Variants in ZFR observed in about 807,000 individuals in gnomAD.
ZFR encodes the protein zinc finger RNA binding protein, also known as zinc finger RNA-binding protein.
Under a neutral mutation model 130.7 loss-of-function variants are expected in ZFR, and 19 were observed. The observed-to-expected ratio is 0.15, with a 90% CI of 0.10 to 0.21. The LOEUF is 0.21. ZFR is among the 10% of genes least tolerant of loss of function. The probability of loss-of-function intolerance (pLI) is 1.00; values close to 1 mark genes in which losing one functional copy is unlikely to be tolerated. For synonymous variants in ZFR, 466 were observed against 456.9 expected (o/e 1.02, Z -0.25); for missense variants, 872 against 1,321.5 (o/e 0.66, Z 5.27).
chr5:32,396,769 A>G lies in ZFR; in HGVS notation c.1833+450T>C, dbSNP rs748744344. On this transcript the variant is annotated intron_variant, in intron 10 of 19. Coordinates refer to ENST00000265069, the MANE Select transcript of ZFR (RefSeq NM_016107.5). Reference sequence around the variant, plus strand: ...ATTAAAAAAAAAAACTTCAAATACAATATCTGATTTATCTTAACATTTGAA... The same window carrying G: ...ATTAAAAAAAAAAACTTCAAATACAGTATCTGATTTATCTTAACATTTGAA... 2.0e-5 allele frequency among the ~76,000 whole-genome samples: 3 copies of G among 152,104 alleles called. 1 individual carries two copies. Among genetic ancestry groups the G allele is most frequent in the Non-Finnish European group, 4.4e-5 (3 of 68,002 alleles).
intron 7 of ZFR, 30 bp downstream of exon 7, chr5:32,403,876 C>A (rs879037656): frequency 6.5e-7 from 1 of 1,541,862 alleles, no homozygotes; most frequent in Non-Finnish European, 8.7e-7. Flanking sequence ...AGAATCAAGG[C>A]ATAAGGGTGT....
chr5:32,400,131 G>A lies in ZFR; in HGVS notation c.1589C>T (p.Pro530Leu). 6.2e-7 allele frequency: 1 copy of A among 1,613,318 alleles called. No homozygotes were observed. Among genetic ancestry groups the A allele is most frequent in the South Asian group, 1.1e-5 (1 of 90,972 alleles). Residue 530 changes from proline (P) to leucine (L), a missense_variant, in exon 9 of 20, where the codon CCT becomes CTT. Pro to Leu is a moderately conservative substitution (Grantham distance 98). Coordinates refer to ENST00000265069, the MANE Select transcript of ZFR (RefSeq NM_016107.5). Reference sequence around the variant, plus strand: ...AGGAATCTGCACAGCAGAAGTGACAGGAGTACTTTTAACACATTCGGTTCC... The same window carrying A: ...AGGAATCTGCACAGCAGAAGTGACAAGAGTACTTTTAACACATTCGGTTCC... ...IKGTECVKST[P>L]VTSAVQIPEV...
intron 3 of ZFR, among the ~76,000 whole-genome samples, 183 bp from the exon 4 acceptor site, chr5:32,417,975 T>A (rs1457559657): frequency 6.6e-6 from 1 of 152,160 alleles, no homozygotes; most frequent in Non-Finnish European, 1.5e-5. Context: ...TAAAATAATA[T>A]CAAGGCTGGG....
At chr5:32,428,697 T>C (rs146308460) in intron 2 of ZFR, among the ~76,000 whole-genome samples, 1 of 152,170 alleles carries the variant, frequency 6.6e-6, no homozygotes, top group East Asian at 1.9e-4. Context: ...ACACTTTGAG[T>C]AGTATAAAAG....
intron 6 of ZFR, 138 bp from the exon 7 acceptor site, chr5:32,404,235 G>C (rs1250236376): frequency 6.2e-6 from 4 of 648,374 alleles, no homozygotes; most frequent in African/African-American, 1.8e-5. Context: ...AGGGCATGTG[G>C]CATTCGTTAC....
At position 32,403,320 on chromosome 5, in the gene ZFR, T is replaced by C. The variant is rs1202903221; in HGVS notation, c.1302A>G (p.Ser434=). The change falls in exon 8 of 20, where the codon TCA becomes TCG. Residue 434 remains serine, a synonymous_variant. Coordinates refer to ENST00000265069, the MANE Select transcript of ZFR (RefSeq NM_016107.5). The part of the protein sequence containing the change: ...EPNVVSQATS[S]TAVSASKPTA... ...TCGGCTTTGAAGCAGATACAGCTGT[T>C]GAAGAAGTAGCTTGGCTAACAACAT... The C allele has an allele frequency of 6.2e-7, 1 of 1,614,228 alleles. No homozygotes were observed. Among genetic ancestry groups the C allele is most frequent in the Non-Finnish European group, 8.5e-7 (1 of 1,180,034 alleles).
rs148424081 is a variant in ZFR, at chr5:32,441,545, C to T, written c.137+2684G>A. On this transcript the variant is annotated intron_variant, in intron 2 of 19. Transcript: ENST00000265069. ...AAAAAAAAAAAACTGCATATGTTTT[C>T]AGGCGTGAACTGTACTTAAGATTTT... 4.6e-5 allele frequency among the ~76,000 whole-genome samples: 7 copies of T among 150,822 alleles called. No individual in the cohort carries two copies. In the East Asian group the frequency reaches 9.7e-4, roughly 21 times the overall value.
chr5:32,375,897 A>G (rs1245006563), intron 17 of ZFR, among the ~76,000 whole-genome samples: 3 of 150,538 alleles, frequency 2.0e-5, no homozygotes, highest in Non-Finnish European at 4.4e-5. Context: ...AGGCTGGAGT[A>G]CAGTGGCACG....
chr5:32,430,115 C>G (rs1754170940), intron 2 of ZFR, among the ~76,000 whole-genome samples: 2 of 140,844 alleles, frequency 1.4e-5, no homozygotes, highest in Non-Finnish European at 3.1e-5. Flanking sequence ...CGATAAAACC[C>G]AAGGGAAATA....
chr5:32,432,042 A>G (rs1398609940), intron 2 of ZFR, among the ~76,000 whole-genome samples: 7 of 148,958 alleles, frequency 4.7e-5, no homozygotes, highest in African/African-American at 1.7e-4. Flanking sequence ...CCCAGGCTGG[A>G]GTGCAGTGGT....
In ZFR at chr5:32,355,394, C is replaced by T. The variant is rs1752281958; in HGVS notation, c.*366G>A. On this transcript the variant is annotated 3_prime_UTR_variant, in exon 20 of 20. Transcript: ENST00000265069. ...ACCTCTAAATTAAAATATCAAAATA[C>T]ACAGAGCAACTGAAGCACACATCCT... 1 of 157,370 alleles carries T rather than the reference C, an allele frequency of 6.4e-6. No homozygotes were observed. The highest frequency in any genetic ancestry group is 2.4e-5 in the African/African-American group (1 of 41,644). The allele number at this position is 157,370 out of a possible 1,614,324, so 9.7% of individuals were successfully genotyped here.
chr5:32,419,715 AT>A, intron 3 of ZFR, 105 bp downstream of exon 3: 1 of 1,482,504 alleles, frequency 6.7e-7, no homozygotes, highest in Non-Finnish European at 8.9e-7. Context: ...GTACATGTGT[AT>A]TTTGGAAGCC....
At chr5:32,403,513 G>T in intron 7 of ZFR, 116 bp from the exon 8 acceptor site, 1 of 1,345,612 alleles carries the variant, frequency 7.4e-7, no homozygotes. Context: ...TATTTTTTCT[G>T]CTATATGTTT....
chr5:32,417,773 C>G lies in ZFR; in HGVS notation c.440G>C (p.Arg147Thr). ...QNYQDSYSYV[R>T]STAPAVAYDS... ...ATAAGCTACAGCAGGAGCTGTGGAC[C>G]TTACATATGAGTATGAATCCTAAAG... Residue 147 changes from arginine (R) to threonine (T), a missense_variant, in exon 4 of 20, where the codon AGG becomes ACG. Transcript: ENST00000265069. 6.2e-7 allele frequency: 1 copy of G among 1,613,710 alleles called. No individual in the cohort carries two copies. Among genetic ancestry groups the G allele is most frequent in the Non-Finnish European group, 8.5e-7 (1 of 1,179,834 alleles).
chr5:32,354,378 T>C lies in ZFR; in HGVS notation c.*1382A>G, dbSNP rs1303977165. The C allele has an allele frequency of 6.6e-6, 1 of 152,654 alleles. No homozygotes were observed. The highest frequency in any genetic ancestry group is 6.5e-5 in the Admixed American group (1 of 15,284). 9.5% of individuals were successfully genotyped at this position (152,654 alleles called of 1,614,324 possible). A position where few individuals can be genotyped will look rare whatever the true frequency, so the allele number is the denominator to read the frequency against. On this transcript the variant is annotated 3_prime_UTR_variant, in exon 20 of 20. Coordinates refer to ENST00000265069, the MANE Select transcript of ZFR (RefSeq NM_016107.5). Reference sequence around the variant, plus strand: ...ATTTGAATATGATTTTACTGAAGCATACATCATTTCAAAGCAAAAGTAGTT... The same window carrying C: ...ATTTGAATATGATTTTACTGAAGCACACATCATTTCAAAGCAAAAGTAGTT...
chr5:32,366,766 A>G (rs559311750), intron 17 of ZFR, among the ~76,000 whole-genome samples: 9 of 152,306 alleles, frequency 5.9e-5, no homozygotes, highest in Non-Finnish European at 1.2e-4. Context: ...GGAGGCTATA[A>G]TTATATAAGA....
intron 5 of ZFR, among the ~76,000 whole-genome samples, chr5:32,414,002 C>T (rs184160055): frequency 7.2e-5 from 11 of 152,176 alleles, no homozygotes; most frequent in Admixed American, 2.0e-4. Flanking sequence ...CCTGGTTGTC[C>T]GGTTAACTTA....
intron 2 of ZFR, among the ~76,000 whole-genome samples, chr5:32,425,170 A>C (rs1469346166): frequency 6.6e-6 from 1 of 152,240 alleles, no homozygotes; most frequent in Non-Finnish European, 1.5e-5. Context: ...AGTGATGTGG[A>C]GCTTAGCACC....
chr5:32,376,981 CCT>C (rs1246303261), intron 17 of ZFR, among the ~76,000 whole-genome samples: 4 of 86,962 alleles, frequency 4.6e-5, no homozygotes, highest in African/African-American at 4.9e-5. Flanking sequence ...AAAAAAAACC[CCT>C]GTCTCTACTA....
Sources: gnomAD v4.1 joint callset for allele counts (sites outside exome capture counted in the v4.1 genomes callset) on GRCh38, gnomAD v4.1.1 for gene constraint, MANE v1.5 for transcripts, NCBI Gene and HGNC (gene_info 2026-07-23, HGNC 2026-07-21) for gene names.